Variants in COL25A1 observed in about 807,000 individuals in gnomAD.
The protein encoded by COL25A1 is collagen type XXV alpha 1 chain, also known as collagen alpha-1(XXV) chain.
In COL25A1, 103 loss-of-function variants were observed where a neutral mutation model predicts 128.4. The ratio of observed to expected loss-of-function variants is 0.80; its 90% confidence interval spans 0.68 to 0.94. COL25A1 has a LOEUF of 0.94. Among genes scored for constraint, COL25A1 ranks in the 40% least tolerant of loss-of-function variants. The pLI, the probability that COL25A1 is intolerant of heterozygous loss-of-function variation, is 0.00. For missense variants in COL25A1, 745 were observed against 840.0 expected (o/e 0.89, Z 1.40); for synonymous variants, 279 against 277.2 (o/e 1.01, Z -0.06).
chr4:109,246,949 C>T (rs1444612928), intron 3 of COL25A1, among the ~76,000 whole-genome samples: 1 of 152,084 alleles, frequency 6.6e-6, no homozygotes, highest in Non-Finnish European at 1.5e-5. Flanking sequence ...TACATCTGAA[C>T]TGGGATTTAA....
chr4:109,268,874 G>A (rs961163559), intron 3 of COL25A1, among the ~76,000 whole-genome samples: 8 of 151,804 alleles, frequency 5.3e-5, no homozygotes, highest in Non-Finnish European at 1.0e-4. Context: ...AGCTCCCTCC[G>A]TCATGGTTAC....
At chr4:109,233,905 G>C (rs1309964069) in intron 3 of COL25A1, among the ~76,000 whole-genome samples, 1 of 152,004 alleles carries the variant, frequency 6.6e-6, no homozygotes, top group African/African-American at 2.4e-5. Context: ...CATAGCTACT[G>C]CTTCCAAACA....
chr4:109,104,646 C>T (rs1463747006), intron 3 of COL25A1, among the ~76,000 whole-genome samples: 1 of 152,118 alleles, frequency 6.6e-6, no homozygotes, highest in Admixed American at 6.5e-5. Flanking sequence ...CATTAAAAGA[C>T]ACCTTTAGGA....
At chr4:108,941,543 A>AAGTC in intron 8 of COL25A1, 106 bp from the exon 9 acceptor site, 1 of 765,552 alleles carries the variant, frequency 1.3e-6, no homozygotes, top group Non-Finnish European at 2.2e-6. Context: ...CATTAGACTT[A>AAGTC]TAATGATTAT....
intron 20 of COL25A1, among the ~76,000 whole-genome samples, chr4:108,866,747 T>C (rs1737974383): frequency 6.6e-6 from 1 of 152,236 alleles, no homozygotes. Flanking sequence ...TTTCCCATGA[T>C]GACACTGAAC....
At position 108,875,704 on chromosome 4, in the gene COL25A1, A is replaced by G. The variant is rs186339095; in HGVS notation, c.1021-6554T>C. On this transcript the variant is annotated intron_variant, in intron 19 of 37. Transcript: ENST00000399132. The stretch of plus-strand genomic sequence containing the variant: ...AATTACCATTTGACACAGCAATCTC[A>G]TTACTGGGTATATACCCAAAAGATT... Among the ~76,000 whole-genome samples the G allele has an allele frequency of 3.0e-3, 458 of 152,302 alleles. 4 individuals carry two copies. Among genetic ancestry groups the G allele is most frequent in the Middle Eastern group, 6.8e-3 (2 of 294 alleles).
intron 6 of COL25A1, among the ~76,000 whole-genome samples, chr4:108,989,212 T>C (rs755806458): frequency 6.6e-6 from 1 of 152,262 alleles, no homozygotes; most frequent in Non-Finnish European, 1.5e-5. Context: ...GGCTCCCAGC[T>C]AGGCAAGTGG....
In COL25A1 at chr4:108,853,066, C is replaced by T. The variant is rs569567310; in HGVS notation, c.1321-141G>A. ...AAAGGATTTGACAAGATACTGAGAA[C>T]ATATTACCCTATCTTCAATACAGTA... is the stretch of plus-strand genomic sequence containing the variant. On this transcript the variant is annotated intron_variant, in intron 24 of 37. Transcript: ENST00000399132. 153 of 648,310 alleles carry T rather than the reference C, an allele frequency of 2.4e-4. 2 individuals are homozygous for T. The South Asian group carries it at 3.1e-3, about 13-fold the overall frequency. The allele number at this position is 648,310 out of a possible 1,614,324, so 40.2% of individuals were successfully genotyped here.
chr4:109,282,400 A>T (rs144821093), intron 3 of COL25A1, among the ~76,000 whole-genome samples: 192 of 152,266 alleles, frequency 1.3e-3, no homozygotes, highest in Non-Finnish European at 2.5e-3. Flanking sequence ...ACAAAAATGG[A>T]GCCAGTAGCA....
intron 3 of COL25A1, among the ~76,000 whole-genome samples, chr4:109,090,233 T>C (rs545668060): frequency 2.6e-5 from 4 of 152,356 alleles, no homozygotes; most frequent in South Asian, 2.1e-4. Flanking sequence ...ACGGAACTGA[T>C]AGTTTTACAT....
intron 3 of COL25A1, among the ~76,000 whole-genome samples, chr4:109,071,272 C>CT (rs1319466772): frequency 6.6e-6 from 1 of 152,172 alleles, no homozygotes; most frequent in Non-Finnish European, 1.5e-5. Flanking sequence ...GGATCCCTTC[C>CT]TTATACCTTA....
intron 3 of COL25A1, among the ~76,000 whole-genome samples, chr4:109,211,290 CTATATATATATATATATATATATA>C (rs753994624): frequency 9.8e-6 from 1 of 102,528 alleles, no homozygotes. Flanking sequence ...ATATATGAAA[CTATATATATATATATATATATATA>C]TATATATATA....
At chr4:109,219,732 C>T (rs1578474434) in intron 3 of COL25A1, among the ~76,000 whole-genome samples, 1 of 152,144 alleles carries the variant, frequency 6.6e-6, no homozygotes, top group African/African-American at 2.4e-5. Flanking sequence ...AAGGAAAAAG[C>T]TATTACTTTC....
At chr4:109,250,457 C>T (rs1252161406) in intron 3 of COL25A1, among the ~76,000 whole-genome samples, 2 of 150,140 alleles carry the variant, frequency 1.3e-5, no homozygotes. Context: ...ATGAGAAGTT[C>T]AAGTCCCAAG....
Position 108,889,198 on chromosome 4 carries a change from C to T in COL25A1, c.975+23G>A, listed in dbSNP as rs1156543511. ...AATGGTGAATATGAGACAGTAGGAACACACTAGAGATAGAGATATTACCTT... is the reference window on the plus strand; with the variant it reads ...AATGGTGAATATGAGACAGTAGGAATACACTAGAGATAGAGATATTACCTT... On this transcript the variant is annotated intron_variant, in intron 18 of 37. Coordinates refer to ENST00000399132, the MANE Select transcript of COL25A1 (RefSeq NM_198721.4). 7 of 1,605,516 alleles carry T rather than the reference C, an allele frequency of 4.4e-6. No homozygotes were observed. The East Asian group carries it at 1.1e-4, about 26-fold the overall frequency.
At chr4:109,278,570 A>C (rs188704670) in intron 3 of COL25A1, among the ~76,000 whole-genome samples, 1 of 152,340 alleles carries the variant, frequency 6.6e-6, no homozygotes, top group East Asian at 1.9e-4. Context: ...ATGTATTCTT[A>C]TGAAAATTTA....
chr4:109,042,003 A>G (rs1371281757), intron 5 of COL25A1, among the ~76,000 whole-genome samples: 2 of 152,148 alleles, frequency 1.3e-5, no homozygotes, highest in Non-Finnish European at 2.9e-5. Flanking sequence ...GAAAAAAATA[A>G]TGTTGCAAAA....
At chr4:108,995,302 A>G (rs913022556) in intron 6 of COL25A1, among the ~76,000 whole-genome samples, 3 of 152,244 alleles carry the variant, frequency 2.0e-5, no homozygotes, top group Non-Finnish European at 2.9e-5. Context: ...AAACCATGGC[A>G]CAAGAACTTC....
intron 3 of COL25A1, among the ~76,000 whole-genome samples, chr4:109,066,065 T>C (rs1762422660): frequency 6.6e-6 from 1 of 152,160 alleles, no homozygotes; most frequent in South Asian, 2.1e-4. Flanking sequence ...AAGCAAAGCT[T>C]AGTGACAGCT....
Sources: gnomAD v4.1 joint callset for allele counts (sites outside exome capture counted in the v4.1 genomes callset) on GRCh38, gnomAD v4.1.1 for gene constraint, MANE v1.5 for transcripts, NCBI Gene and HGNC (gene_info 2026-07-23, HGNC 2026-07-21) for gene names.